Variants in TEC observed in about 807,000 individuals in gnomAD.
TEC encodes tec protein tyrosine kinase.
TEC carries 72 observed loss-of-function variants against 93.0 expected under a neutral mutation model. The ratio of observed to expected loss-of-function variants is 0.77; its 90% CI spans 0.64 to 0.94. The LOEUF (loss-of-function observed/expected upper bound fraction) is 0.94. Ranked by LOEUF, TEC falls within the 40% of genes least tolerant of loss-of-function variation. TEC has a pLI of 0.00. For synonymous variants in TEC, 249 were observed against 247.7 expected, an observed-to-expected ratio of 1.01 and a Z score of -0.05; for missense variants, 630 against 757.9, an observed-to-expected ratio of 0.83 and a Z score of 1.98.
In TEC at chr4:48,138,988, C is replaced by A. The variant is rs369215066; in HGVS notation, c.1570G>T (p.Gly524Cys). 3.7e-6 allele frequency: 6 copies of A among 1,614,090 alleles called. No homozygotes were observed. In the African/African-American group the frequency reaches 5.3e-5, roughly 14 times the overall value. Residue 524 changes from glycine (G) to cysteine (C), a missense_variant, in exon 16 of 18, where the codon GGT becomes TGT. Physicochemically the swap from Gly to Cys is radical, Grantham distance 159. Around this residue, in one of 3 missense-constraint regions of TEC, gnomAD observed 289 missense variants for 390.0 expected, o/e 0.74. Coordinates refer to ENST00000381501, the MANE Select transcript of TEC (RefSeq NM_003215.3). ...VLDDQYTSSSGAKFPVKWCPP... is the reference protein window; with the variant it reads ...VLDDQYTSSSCAKFPVKWCPP... Reference sequence around the variant, plus strand: ...CACCACTTCACAGGAAACTTAGCACCAGAAGAACTTGTGTACTGATCATCC... The same window carrying A: ...CACCACTTCACAGGAAACTTAGCACAAGAAGAACTTGTGTACTGATCATCC...
intron 1 of TEC, among the ~76,000 whole-genome samples, chr4:48,252,999 C>T (rs184981079): frequency 6.6e-6 from 1 of 152,280 alleles, no homozygotes; most frequent in Admixed American, 6.5e-5. Context: ...TTCTCAGGGG[C>T]TTTAATAGGT....
intron 15 of TEC, among the ~76,000 whole-genome samples, chr4:48,140,440 C>G (rs1290840027): frequency 6.6e-6 from 1 of 152,224 alleles, no homozygotes; most frequent in Non-Finnish European, 1.5e-5. Context: ...AACATCAGAT[C>G]AAGTAGCCAC....
intron 1 of TEC, among the ~76,000 whole-genome samples, chr4:48,251,658 T>C (rs933489578): frequency 2.6e-5 from 4 of 152,222 alleles, no homozygotes; most frequent in African/African-American, 9.6e-5. Flanking sequence ...GAATTGGACA[T>C]GATTGTATTT....
chr4:48,236,824 T>C (rs1249664891), intron 1 of TEC, among the ~76,000 whole-genome samples: 3 of 152,214 alleles, frequency 2.0e-5, no homozygotes, highest in Non-Finnish European at 4.4e-5. Flanking sequence ...CAAATCTGAA[T>C]ATCTGACTAA....
At chr4:48,145,606 A>G (rs753230697) in intron 12 of TEC, 27 bp from the exon 13 acceptor site, 2 of 1,609,518 alleles carry the variant, frequency 1.2e-6, no homozygotes, top group South Asian at 1.1e-5. Context: ...GAAAGTGTTC[A>G]TATTTAAAAA....
At chr4:48,182,476 TA>T (rs1371916542) in intron 2 of TEC, among the ~76,000 whole-genome samples, 2 of 151,560 alleles carry the variant, frequency 1.3e-5, no homozygotes, top group African/African-American at 4.9e-5. Flanking sequence ...ACCTGACACT[TA>T]GTGGATACTA....
At chr4:48,253,855 C>A (rs534581107) in intron 1 of TEC, among the ~76,000 whole-genome samples, 1 of 152,178 alleles carries the variant, frequency 6.6e-6, no homozygotes, top group South Asian at 2.1e-4. Context: ...GTATTATAGG[C>A]GTGAGCCACC....
chr4:48,152,753 A>G (rs1017081324), intron 9 of TEC, among the ~76,000 whole-genome samples: 3 of 152,150 alleles, frequency 2.0e-5, no homozygotes, highest in African/African-American at 7.2e-5. Context: ...GTCTCCAGAG[A>G]GTCATGGAAG....
intron 14 of TEC, among the ~76,000 whole-genome samples, chr4:48,143,037 G>T (rs1234423681): frequency 6.6e-6 from 1 of 152,144 alleles, no homozygotes; most frequent in South Asian, 2.1e-4. Context: ...CTTCCTGACT[G>T]TTCATAATTC....
intron 2 of TEC, among the ~76,000 whole-genome samples, chr4:48,204,405 T>C (rs1427134703): frequency 1.3e-5 from 2 of 152,308 alleles, no homozygotes; most frequent in Middle Eastern, 3.4e-3. Flanking sequence ...GCCCACCCTA[T>C]GTGACTCCAC....
intron 1 of TEC, among the ~76,000 whole-genome samples, chr4:48,248,161 C>G (rs1026916581): frequency 6.6e-6 from 1 of 152,150 alleles, no homozygotes; most frequent in African/African-American, 2.4e-5. Context: ...ACTGGAAGTT[C>G]TATCAGTTAG....
chr4:48,262,368 T>C (rs1419952291), intron 1 of TEC, among the ~76,000 whole-genome samples: 1 of 151,818 alleles, frequency 6.6e-6, no homozygotes, highest in Non-Finnish European at 1.5e-5. Flanking sequence ...ACCTAATTTT[T>C]GTATTTTTAG....
At chr4:48,158,377 C>T (rs761587683) in intron 8 of TEC, among the ~76,000 whole-genome samples, 17 of 152,212 alleles carry the variant, frequency 1.1e-4, no homozygotes, top group South Asian at 4.2e-4. Flanking sequence ...ACATGGATCC[C>T]GCTTTATAAA....
intron 2 of TEC, among the ~76,000 whole-genome samples, chr4:48,227,420 A>T (rs976229480): frequency 5.3e-5 from 8 of 152,102 alleles, no homozygotes; most frequent in Admixed American, 4.6e-4. Context: ...AGGTGGGTGG[A>T]TCACTTGAGG....
intron 2 of TEC, among the ~76,000 whole-genome samples, chr4:48,204,785 A>C (rs961380585): frequency 6.6e-6 from 1 of 152,320 alleles, no homozygotes; most frequent in African/African-American, 2.4e-5. Context: ...CACTGATCTG[A>C]AAGGAGGCAG....
At chr4:48,182,214 G>T (rs945196819) in intron 2 of TEC, among the ~76,000 whole-genome samples, 1 of 151,850 alleles carries the variant, frequency 6.6e-6, no homozygotes, top group Admixed American at 6.6e-5. Flanking sequence ...GAACTCAGGA[G>T]GTGGAGGTTG....
Position 48,156,726 on chromosome 4 carries a change from C to A in TEC, c.746G>T (p.Cys249Phe), listed in dbSNP as rs1428541566. 3 of 1,610,758 alleles carry A rather than the reference C, an allele frequency of 1.9e-6. No homozygotes were observed. Among genetic ancestry groups the A allele is most frequent in the Non-Finnish European group, 2.5e-6 (3 of 1,178,926 alleles). ...SNNLDQYEWYCRNMNRSKAEQ... is the reference protein window; with the variant it reads ...SNNLDQYEWYFRNMNRSKAEQ... ...TGCCTTGCTTCTATTCATATTTCTG[C>A]AATACCATCTGAACAGAAAAAACAA... The change falls in exon 9 of 18, where the codon TGC becomes TTC. Residue 249 changes from cysteine (C) to phenylalanine (F), a missense_variant. This residue lies in a region of TEC where 335 missense variants were observed against 351.5 expected (regional missense o/e 0.95). Coordinates refer to ENST00000381501, the MANE Select transcript of TEC (RefSeq NM_003215.3).
chr4:48,238,171 T>C (rs1343492091), intron 1 of TEC, among the ~76,000 whole-genome samples: 3 of 152,204 alleles, frequency 2.0e-5, no homozygotes, highest in Non-Finnish European at 4.4e-5. Flanking sequence ...TTTAACGTCA[T>C]GAATTGGAGC....
At chr4:48,235,688 G>C (rs1163135237) in intron 1 of TEC, among the ~76,000 whole-genome samples, 1 of 152,048 alleles carries the variant, frequency 6.6e-6, no homozygotes, top group Admixed American at 6.5e-5. Flanking sequence ...GAAATCCGGA[G>C]GAATAAGCAG....
Sources: allele counts gnomAD v4.1 joint callset (sites outside exome capture counted in the v4.1 genomes callset), GRCh38; gene constraint gnomAD v4.1.1; regional missense constraint gnomAD v4.1.1; transcripts MANE v1.5; gene names NCBI Gene and HGNC (gene_info 2026-07-23, HGNC 2026-07-21).